RAB27A: variants seen among roughly 807,000 people sequenced by gnomAD.
RAB27A encodes the protein RAB27A, member RAS oncogene family, also known as ras-related protein Rab-27A.
RAB27A carries 17 observed loss-of-function variants against 20.8 expected under a neutral mutation model. The observed-to-expected ratio is 0.82, with a 90% confidence interval of 0.56 to 1.23. The LOEUF is 1.23. RAB27A is among the 50% of genes most tolerant of loss of function. RAB27A has a pLI of 0.00. For synonymous variants in RAB27A, 85 were observed against 92.8 expected, an observed-to-expected ratio of 0.92 and a Z score of 0.48; for missense variants, 277 against 266.7, an observed-to-expected ratio of 1.04 and a Z score of -0.27.
At chr15:55,236,603 A>T (rs945476227) in intron 2 of RAB27A, among the ~76,000 whole-genome samples, 5 of 152,220 alleles carry the variant, frequency 3.3e-5, no homozygotes, top group Non-Finnish European at 7.3e-5. Context: ...GGTTCTTTGC[A>T]ATCAGCACTT....
At chr15:55,240,238 A>C (rs1896427173) in intron 2 of RAB27A, among the ~76,000 whole-genome samples, 1 of 152,194 alleles carries the variant, frequency 6.6e-6, no homozygotes, top group African/African-American at 2.4e-5. Context: ...TTCAGGAAGG[A>C]GTAAACAGTG....
At chr15:55,307,985 C>T (rs1408375818) in intron 2 of RAB27A, among the ~76,000 whole-genome samples, 4 of 152,114 alleles carry the variant, frequency 2.6e-5, no homozygotes, top group African/African-American at 9.7e-5. Flanking sequence ...ATTTTTCCTT[C>T]TTCAGTGGCT....
At chr15:55,301,791 G>C (rs1009502268) in intron 2 of RAB27A, among the ~76,000 whole-genome samples, 1 of 151,802 alleles carries the variant, frequency 6.6e-6, no homozygotes, top group Non-Finnish European at 1.5e-5. Flanking sequence ...GACTACAGGC[G>C]TGTGCCACCA....
chr15:55,301,973 C>T (rs117441411), intron 2 of RAB27A, among the ~76,000 whole-genome samples: 7,806 of 151,898 alleles, frequency 0.051, 277 homozygotes, highest in East Asian at 0.15. Context: ...TCCCCACGGC[C>T]GGGGGCAGTG....
At chr15:55,300,103 A>G (rs2054965528) in intron 2 of RAB27A, among the ~76,000 whole-genome samples, 1 of 152,076 alleles carries the variant, frequency 6.6e-6, no homozygotes, top group South Asian at 2.1e-4. Context: ...TACAGGCATG[A>G]GCCACCGCGC....
At chr15:55,276,031 A>C (rs1897865229) in intron 1 of RAB27A, among the ~76,000 whole-genome samples, 1 of 152,098 alleles carries the variant, frequency 6.6e-6, no homozygotes, top group Admixed American at 6.5e-5. Context: ...TATGGAAAAC[A>C]TTATGGAGCT....
chr15:55,215,675 C>A (rs1180305951), intron 6 of RAB27A, among the ~76,000 whole-genome samples: 3 of 134,498 alleles, frequency 2.2e-5, no homozygotes, highest in East Asian at 4.3e-4. Context: ...AGAGTCATAA[C>A]CTCAGGTCGG....
intron 2 of RAB27A, among the ~76,000 whole-genome samples, chr15:55,267,058 T>C (rs966353577): frequency 6.6e-6 from 1 of 152,158 alleles, no homozygotes; most frequent in African/African-American, 2.4e-5. Context: ...GAAGGAGATT[T>C]TTCAAGCAGT....
At chr15:55,304,667 A>C (rs2054989946) in intron 2 of RAB27A, among the ~76,000 whole-genome samples, 2 of 152,132 alleles carry the variant, frequency 1.3e-5, no homozygotes, top group East Asian at 3.8e-4. Flanking sequence ...AATTTTTTCC[A>C]TGTTATAGCA....
Position 55,234,919 on chromosome 15 carries a change from A to T in RAB27A, c.16T>A (p.Tyr6Asn), listed in dbSNP as rs1896192915. Residue 6 changes from tyrosine (Y) to asparagine (N), a missense_variant, in exon 3 of 7, where the codon TAT becomes AAT. Transcript: ENST00000336787. The part of the protein sequence containing the change: MSDGD[Y>N]DYLIKFLALG... ...GCTAAAAACTTGATGAGGTAATCAT[A>T]ATCTCCATCAGACATAATGAAGAAC... is the stretch of plus-strand genomic sequence containing the variant. 1 of 1,612,468 alleles carries T rather than the reference A, an allele frequency of 6.2e-7. No individual in the cohort carries two copies. Among genetic ancestry groups the T allele is most frequent in the African/African-American group, 1.3e-5 (1 of 74,992 alleles).
intron 1 of RAB27A, among the ~76,000 whole-genome samples, chr15:55,274,986 C>T (rs568665979): frequency 6.3e-4 from 96 of 151,622 alleles, no homozygotes; most frequent in African/African-American, 2.3e-3. Flanking sequence ...CGCAGTGGCT[C>T]ACGCCTGTAA....
chr15:55,262,075 G>T (rs573466019), intron 2 of RAB27A, among the ~76,000 whole-genome samples: 9 of 150,336 alleles, frequency 6.0e-5, no homozygotes, highest in Non-Finnish European at 1.3e-4. Flanking sequence ...CTCTTTTCAT[G>T]AAGATATTGT....
At chr15:55,237,817 A>T (rs984392799) in intron 2 of RAB27A, among the ~76,000 whole-genome samples, 4 of 152,198 alleles carry the variant, frequency 2.6e-5, no homozygotes, top group African/African-American at 9.7e-5. Flanking sequence ...ATTTGAAAAA[A>T]AAGTTGGTAT....
chr15:55,296,332 C>T (rs746147155), intron 2 of RAB27A, among the ~76,000 whole-genome samples: 1 of 151,664 alleles, frequency 6.6e-6, no homozygotes, highest in Non-Finnish European at 1.5e-5. Context: ...CCCGTCTCTA[C>T]TAAAAATACA....
chr15:55,260,604 C>T (rs1897238357), intron 2 of RAB27A, among the ~76,000 whole-genome samples: 1 of 152,094 alleles, frequency 6.6e-6, no homozygotes, highest in Non-Finnish European at 1.5e-5. Context: ...AATTATTCAG[C>T]ACTAAAAAGA....
chr15:55,223,424 G>A (rs953264325), intron 6 of RAB27A, among the ~76,000 whole-genome samples: 4 of 151,678 alleles, frequency 2.6e-5, no homozygotes, highest in South Asian at 2.1e-4. Flanking sequence ...TAGGAGAATC[G>A]CTTGAACCCG....
chr15:55,247,089 A>G (rs897349532), intron 2 of RAB27A, among the ~76,000 whole-genome samples: 26 of 152,196 alleles, frequency 1.7e-4, no homozygotes, highest in Admixed American at 1.6e-3. Context: ...TACCTTCAGG[A>G]TGACACTGAG....
intron 3 of RAB27A, among the ~76,000 whole-genome samples, chr15:55,233,897 C>T (rs1411644906): frequency 6.6e-6 from 1 of 152,106 alleles, no homozygotes; most frequent in Non-Finnish European, 1.5e-5. Context: ...CTATCAACTA[C>T]ACGTCAATAC....
chr15:55,255,506 C>A (rs376152590), intron 2 of RAB27A, among the ~76,000 whole-genome samples: 7 of 152,286 alleles, frequency 4.6e-5, no homozygotes, highest in African/African-American at 1.7e-4. Context: ...CACTCAAATG[C>A]TAATTGTGTC....
Sources: allele counts gnomAD v4.1 joint callset (sites outside exome capture counted in the v4.1 genomes callset), GRCh38; gene constraint gnomAD v4.1.1; transcripts MANE v1.5; gene names NCBI Gene and HGNC (gene_info 2026-07-23, HGNC 2026-07-21).